Variants in SAMD4A observed in about 807,000 individuals in gnomAD.
SAMD4A encodes sterile alpha motif domain containing 4A.
SAMD4A carries 33 observed loss-of-function variants against 81.3 expected under a neutral mutation model. That is an observed-to-expected ratio of 0.41 (90% CI 0.31 to 0.54). The LOEUF is 0.54. Ranked by LOEUF, SAMD4A falls within the 20% of genes least tolerant of loss-of-function variation. The pLI is 0.37. For synonymous variants in SAMD4A, 389 were observed against 382.1 expected (o/e 1.02, Z -0.21); for missense variants, 854 against 951.1 (o/e 0.90, Z 1.34).
intron 2 of SAMD4A, among the ~76,000 whole-genome samples, chr14:54,659,428 C>G (rs1191378330): frequency 1.3e-5 from 2 of 152,168 alleles, no homozygotes; most frequent in Non-Finnish European, 2.9e-5. Flanking sequence ...ACATGTCCGT[C>G]TGTCTCTCTT....
At chr14:54,779,623 G>A (rs77492910) in intron 11 of SAMD4A, among the ~76,000 whole-genome samples, 2,529 of 152,008 alleles carry the variant, frequency 0.017, 40 homozygotes, top group South Asian at 0.049. Flanking sequence ...CACAATTCAC[G>A]GGCACTTGGA....
chr14:54,696,096 A>G (rs2036571903), intron 2 of SAMD4A, among the ~76,000 whole-genome samples: 1 of 152,144 alleles, frequency 6.6e-6, no homozygotes, highest in Admixed American at 6.6e-5. Flanking sequence ...GGTCTAATCC[A>G]TACCACTAGC....
At chr14:54,566,012 G>A (rs1285594602), upstream of SAMD4A, among the ~76,000 whole-genome samples, 1 of 152,000 alleles carries the variant, frequency 6.6e-6, no homozygotes, top group South Asian at 2.1e-4. Context: ...CCGCCGCCCG[G>A]GTTCCTCTCC....
intron 2 of SAMD4A, among the ~76,000 whole-genome samples, chr14:54,649,155 G>A (rs960887984): frequency 6.6e-5 from 10 of 152,176 alleles, no homozygotes; most frequent in African/African-American, 2.2e-4. Context: ...AGACATGCCC[G>A]TTAGATGTCC....
At position 54,726,076 on chromosome 14, in the gene SAMD4A, C is replaced by T. The variant is rs11623940; in HGVS notation, c.716-10948C>T. On this transcript the variant is annotated intron_variant, in intron 3 of 12. Coordinates refer to ENST00000554335, the MANE Select transcript of SAMD4A (RefSeq NM_015589.6). ...CCAGTTGATGCCAATGCTACCTGTC[C>T]ATGGATCTAGAATGCAATTTTTTAC... Among the ~76,000 whole-genome samples the T allele has an allele frequency of 4.2e-3, 643 of 152,084 alleles. 6 individuals carry two copies. Among genetic ancestry groups the T allele is most frequent in the Non-Finnish European group, 7.2e-3 (490 of 68,008 alleles).
chr14:54,654,165 T>C (rs2035468867), intron 2 of SAMD4A, among the ~76,000 whole-genome samples: 1 of 152,196 alleles, frequency 6.6e-6, no homozygotes, highest in Non-Finnish European at 1.5e-5. Context: ...TGACATATAA[T>C]ACCCAAGCTT....
chr14:54,606,219 A>ATGTG (rs1566543939), intron 2 of SAMD4A, among the ~76,000 whole-genome samples: 6 of 77,608 alleles, frequency 7.7e-5, no homozygotes, highest in Non-Finnish European at 1.1e-4. Context: ...GTGTGCGTGC[A>ATGTG]CGTGCACGTG....
intron 2 of SAMD4A, chr14:54,668,880 C>G (rs1280193192): frequency 6.6e-6 from 1 of 152,254 alleles, no homozygotes; most frequent in Non-Finnish European, 1.5e-5. Flanking sequence ...GCCAGGGAGT[C>G]TGACTCCTGA....
intron 2 of SAMD4A, among the ~76,000 whole-genome samples, chr14:54,620,241 A>G (rs997186977): frequency 6.6e-6 from 1 of 152,192 alleles, no homozygotes; most frequent in Non-Finnish European, 1.5e-5. Context: ...CCCATCTGCA[A>G]AGGGGGCCTA....
intron 2 of SAMD4A, among the ~76,000 whole-genome samples, chr14:54,700,002 A>G (rs2036672339): frequency 1.3e-5 from 2 of 152,246 alleles, no homozygotes; most frequent in African/African-American, 4.8e-5. Flanking sequence ...TTGTAAGCAC[A>G]GTAAACCCAT....
intron 2 of SAMD4A, among the ~76,000 whole-genome samples, chr14:54,673,751 A>G (rs1285449674): frequency 7.2e-5 from 11 of 152,246 alleles, no homozygotes; most frequent in South Asian, 2.1e-4. Flanking sequence ...GCTGAGTCTA[A>G]GAAGAGAGAG....
chr14:54,597,209 T>C (rs537466665), intron 2 of SAMD4A, among the ~76,000 whole-genome samples: 1 of 151,952 alleles, frequency 6.6e-6, no homozygotes, highest in Non-Finnish European at 1.5e-5. Flanking sequence ...TAGGTAGGCA[T>C]GCTTCAGTTT....
rs1000065278 is a variant in SAMD4A, at chr14:54,686,392, A to G, written c.197-15670A>G. Among the ~76,000 whole-genome samples the G allele has an allele frequency of 9.9e-5, 15 of 152,170 alleles. 1 individual carries two copies. Among genetic ancestry groups the G allele is most frequent in the Non-Finnish European group, 7.3e-5 (5 of 68,030 alleles). ...TGGGTGATTTCATTCTGCCCTTTTTATGTCGCAGCCAGGGGCTTGCGTCAT... is the reference window on the plus strand; with the variant it reads ...TGGGTGATTTCATTCTGCCCTTTTTGTGTCGCAGCCAGGGGCTTGCGTCAT... On this transcript the variant is annotated intron_variant, in intron 2 of 12. Coordinates refer to ENST00000554335, the MANE Select transcript of SAMD4A (RefSeq NM_015589.6).
intron 2 of SAMD4A, among the ~76,000 whole-genome samples, chr14:54,677,399 G>T (rs1281404302): frequency 1.3e-5 from 2 of 152,138 alleles, no homozygotes; most frequent in Non-Finnish European, 2.9e-5. Context: ...ACTCCTCCAC[G>T]CACATAGTAT....
chr14:54,766,583 G>A (rs1440506481), intron 8 of SAMD4A, among the ~76,000 whole-genome samples: 4 of 152,186 alleles, frequency 2.6e-5, no homozygotes, highest in African/African-American at 4.8e-5. Flanking sequence ...GACTCGGTTC[G>A]TAAGGAGGCA....
Position 54,647,954 on chromosome 14 carries a change from A to C in SAMD4A, c.197-54108A>C, listed in dbSNP as rs560637161. Among the ~76,000 whole-genome samples the C allele has an allele frequency of 2.9e-4, 44 of 152,264 alleles. 1 individual carries two copies. The highest frequency in any genetic ancestry group is 5.6e-4 in the Non-Finnish European group (38 of 68,052). On this transcript the variant is annotated intron_variant, in intron 2 of 12. Transcript: ENST00000554335. ...TAAATGTATGGGGGATAAATGCATAAAAGTGGAATGCCCTACAGCTGCACT... is the reference window on the plus strand; with the variant it reads ...TAAATGTATGGGGGATAAATGCATACAAGTGGAATGCCCTACAGCTGCACT...
At chr14:54,565,934 A>C (rs1039229440), upstream of SAMD4A, among the ~76,000 whole-genome samples, 1 of 150,098 alleles carries the variant, frequency 6.7e-6, no homozygotes, top group Non-Finnish European at 1.5e-5. The surrounding 1 kb of genome is among the most constrained non-coding windows in gnomAD (Gnocchi z 5.4). Context: ...GTCCCCACTT[A>C]GGAATCCGTC....
chr14:54,764,578 TA>T, intron 8 of SAMD4A, 38 bp downstream of exon 8: 1 of 1,339,694 alleles, frequency 7.5e-7, no homozygotes, highest in Non-Finnish European at 1.1e-6. Flanking sequence ...ATTTTTTTTT[TA>T]TTGCTTAGAA....
At chr14:54,598,713 TAAAGAC>T (rs1430143610) in intron 2 of SAMD4A, among the ~76,000 whole-genome samples, 1 of 151,972 alleles carries the variant, frequency 6.6e-6, no homozygotes, top group African/African-American at 2.4e-5. Context: ...AGTCAGAAAA[TAAAGAC>T]AAAGAAAACA....
Sources: gnomAD v4.1 joint callset for allele counts (sites outside exome capture counted in the v4.1 genomes callset) on GRCh38, gnomAD v4.1.1 for gene constraint, Gnocchi (gnomAD v3.1) non-coding constraint, MANE v1.5 for transcripts, NCBI Gene and HGNC (gene_info 2026-07-23, HGNC 2026-07-21) for gene names.